GLS: variants seen among roughly 807,000 people sequenced by gnomAD.
The protein encoded by GLS is glutaminase, also known as glutaminase kidney isoform, mitochondrial.
GLS carries 36 observed loss-of-function variants against 86.7 expected under a neutral mutation model. That is an observed-to-expected ratio of 0.42 (90% CI 0.32 to 0.55). The LOEUF (loss-of-function observed/expected upper bound fraction) is 0.55, where lower values mean the gene tolerates loss of function less well. GLS is among the 20% of genes least tolerant of loss of function. The pLI, the probability that GLS is intolerant of heterozygous loss-of-function variation, is 0.17. For synonymous variants in GLS, 317 were observed against 305.9 expected, an observed-to-expected ratio of 1.04 and a Z score of -0.38; for missense variants, 528 against 833.4, an observed-to-expected ratio of 0.63 and a Z score of 4.51.
rs1027259020 is a variant in GLS at position 190,947,162 on chromosome 2, ACAACT to A, written c.1651-6398_1651-6394del. ...TTATTAGGGCATTTACAGAAGTCACACAACTCAACCTTTAAACAAGCTCAAACTGA... is the reference window on the plus strand; with the variant it reads ...TTATTAGGGCATTTACAGAAGTCACACAACCTTTAAACAAGCTCAAACTGA... On this transcript the variant is annotated intron_variant, in intron 14 of 17. Coordinates refer to ENST00000320717, the MANE Select transcript of GLS (RefSeq NM_014905.5). This position sits in a 1 kb window ranked among gnomAD's most constrained non-coding sequence, Gnocchi z 5.0. Among the ~76,000 whole-genome samples, 4 of 152,236 alleles carry A rather than the reference ACAACT, an allele frequency of 2.6e-5. No homozygotes were observed. The highest frequency in any genetic ancestry group is 4.4e-5 in the Non-Finnish European group (3 of 68,040).
At chr2:190,892,036 GTC>G (rs1356599217) in intron 1 of GLS, among the ~76,000 whole-genome samples, 1 of 152,126 alleles carries the variant, frequency 6.6e-6, no homozygotes, top group Admixed American at 6.5e-5. Context: ...GTTTTCCAAA[GTC>G]TGGATGTCAT....
At chr2:190,887,903 G>A (rs1247588625) in intron 1 of GLS, among the ~76,000 whole-genome samples, 2 of 152,034 alleles carry the variant, frequency 1.3e-5, no homozygotes, top group Non-Finnish European at 1.5e-5. Flanking sequence ...ATGTTATAAC[G>A]GCCAAAAGTT....
chr2:190,934,596 A>C, intron 14 of GLS: 1 of 984,098 alleles, frequency 1.0e-6, no homozygotes, highest in Non-Finnish European at 1.2e-6. Context: ...ATTGGAAAAA[A>C]GGCATTGTGG....
intron 14 of GLS, among the ~76,000 whole-genome samples, chr2:190,945,529 G>T (rs535892907): frequency 6.6e-6 from 1 of 151,994 alleles, no homozygotes; most frequent in African/African-American, 2.4e-5. Context: ...TCCAGGTTTG[G>T]TGGCACATGC....
At position 190,956,265 on chromosome 2, in the gene GLS, T is replaced by A. The variant is rs1374877100; in HGVS notation, c.1853+1447T>A. 6.6e-6 allele frequency among the ~76,000 whole-genome samples: 1 copy of A among 152,228 alleles called. No individual in the cohort carries two copies. Among genetic ancestry groups the A allele is most frequent in the African/African-American group, 2.4e-5 (1 of 41,446 alleles). ...TTTTTATGGTTTTAGGTCTTATGTTTAAGTCTTTAATCCATCTTGAGTTAA... is the reference window on the plus strand; with the variant it reads ...TTTTTATGGTTTTAGGTCTTATGTTAAAGTCTTTAATCCATCTTGAGTTAA... On this transcript the variant is annotated intron_variant, in intron 17 of 17. Coordinates refer to ENST00000320717, the MANE Select transcript of GLS (RefSeq NM_014905.5). The surrounding 1 kb of genome is among the most constrained non-coding windows in gnomAD (Gnocchi z 4.2).
rs115287325 is a variant in GLS at position 190,929,940 on chromosome 2, C to T, written c.1426-497C>T. Among the ~76,000 whole-genome samples, 498 of 151,156 alleles carry T rather than the reference C, an allele frequency of 3.3e-3. 5 individuals are homozygous for T. The highest frequency in any genetic ancestry group is 0.011 in the African/African-American group (468 of 41,120). On this transcript the variant is annotated intron_variant, in intron 12 of 17. Transcript: ENST00000320717. ...TCAGCTCATTGCAATCTCTGCCTCC[C>T]GGGTTCACCTTTCTCCTGCCTCAGC...
intron 7 of GLS, among the ~76,000 whole-genome samples, chr2:190,916,252 A>C (rs751591432): frequency 2.1e-4 from 32 of 152,158 alleles, no homozygotes; most frequent in Non-Finnish European, 3.7e-4. Context: ...ATTGTGAAAA[A>C]ATTCAAACAT....
At chr2:190,902,075 G>C (rs765677741) in intron 5 of GLS, 49 bp downstream of exon 5, 1 of 1,016,430 alleles carries the variant, frequency 9.8e-7, no homozygotes, top group Non-Finnish European at 1.6e-6. Context: ...CTTAACTTTT[G>C]TATAATGGTG....
At chr2:190,899,632 C>T (rs1688870148) in intron 3 of GLS, among the ~76,000 whole-genome samples, 2 of 151,918 alleles carry the variant, frequency 1.3e-5, no homozygotes, top group Non-Finnish European at 2.9e-5. Flanking sequence ...GCAAGTCTTC[C>T]TTTGTTAATT....
At chr2:190,882,131 A>C (rs1688222626) in intron 1 of GLS, 2 of 152,256 alleles carry the variant, frequency 1.3e-5, no homozygotes, top group African/African-American at 4.8e-5. Context: ...TGGGGCACGC[A>C]GTATAGACCA....
At position 190,910,297 on chromosome 2, in the gene GLS, A is replaced by G; in HGVS notation, c.1014A>G (p.Ala338=). 6.3e-7 allele frequency: 1 copy of G among 1,577,196 alleles called. No homozygotes were observed. Among genetic ancestry groups the G allele is most frequent in the Non-Finnish European group, 8.7e-7 (1 of 1,153,344 alleles). The part of the protein sequence containing the change: ...KPHNPMVNAG[A]IVVTSLIKQG... Reference sequence around the variant, plus strand: ...ATAATCCTATGGTAAATGCTGGAGCAATTGTTGTGACTTCACTAATAAAGG... The same window carrying G: ...ATAATCCTATGGTAAATGCTGGAGCGATTGTTGTGACTTCACTAATAAAGG... Residue 338 remains alanine, a synonymous_variant, in exon 7 of 18, where the codon GCA becomes GCG. Coordinates refer to ENST00000320717, the MANE Select transcript of GLS (RefSeq NM_014905.5).
intron 1 of GLS, among the ~76,000 whole-genome samples, chr2:190,882,416 A>G (rs1688234348): frequency 6.6e-6 from 1 of 152,208 alleles, no homozygotes; most frequent in Non-Finnish European, 1.5e-5. Context: ...TGTAATACAA[A>G]TGGACCACTT....
At chr2:190,890,470 T>C (rs1008883114) in intron 1 of GLS, among the ~76,000 whole-genome samples, 1 of 152,250 alleles carries the variant, frequency 6.6e-6, no homozygotes, top group South Asian at 2.1e-4. Flanking sequence ...GATGTAAGTT[T>C]TTATTTTTAA....
In GLS at chr2:190,923,903, T is replaced by C; in HGVS notation, c.1131-14T>C. 1 of 1,523,128 alleles carries C rather than the reference T, an allele frequency of 6.6e-7. No individual in the cohort carries two copies. The highest frequency in any genetic ancestry group is 1.4e-5 in the African/African-American group (1 of 72,540). The allele number at this position is 1,523,128 out of a possible 1,614,324, so 94.4% of individuals were successfully genotyped here. A position where few individuals can be genotyped will look rare whatever the true frequency, so the allele number is the denominator to read the frequency against. The stretch of plus-strand genomic sequence containing the variant: ...GAAAGTACATAGAGCAAATGTTTTT[T>C]TTTCTTCTTCCAGGTTTCAGTCTGA... On this transcript the variant is annotated splice_polypyrimidine_tract_variant and intron_variant, in intron 9 of 17. Transcript: ENST00000320717.
chr2:190,927,063 C>A, intron 11 of GLS: 1 of 373,588 alleles, frequency 2.7e-6, no homozygotes, highest in Admixed American at 4.2e-5. Flanking sequence ...TAGAGGCTGG[C>A]ACTTCCTAGT....
chr2:190,896,460 A>G (rs1170148057), intron 3 of GLS: 1 of 152,240 alleles, frequency 6.6e-6, no homozygotes, highest in East Asian at 1.9e-4. Flanking sequence ...ATAAAACTGT[A>G]AATACTACTA....
Position 190,900,591 on chromosome 2 carries a change from G to T in GLS, c.633G>T (p.Leu211Phe). Residue 211 changes from leucine to phenylalanine, a missense_variant, in exon 4 of 18, where the codon TTG (leucine) becomes TTT (phenylalanine). Physicochemically the swap from Leu to Phe is conservative, Grantham distance 22 (BLOSUM62 0). Coordinates refer to ENST00000320717, the MANE Select transcript of GLS (RefSeq NM_014905.5). The part of the protein sequence containing the change: ...KKCVQSNIVL[L>F]TQAFRRKFVI... ...GTGTTCAGAGCAACATTGTTTTGTT[G>T]ACACAAGCATTTAGAAGAAAGTTTG... 1 of 1,600,544 alleles carries T rather than the reference G, an allele frequency of 6.2e-7. No individual in the cohort carries two copies. Among genetic ancestry groups the T allele is most frequent in the Non-Finnish European group, 8.6e-7 (1 of 1,168,940 alleles).
intron 7 of GLS, chr2:190,919,826 A>G (rs1027992304): frequency 3.5e-6 from 1 of 284,352 alleles, no homozygotes; most frequent in African/African-American, 2.3e-5. Context: ...TATGGCTGTA[A>G]TTAAATTATC....
chr2:190,927,094 CTGAG>C, intron 11 of GLS: 2 of 462,236 alleles, frequency 4.3e-6, no homozygotes, highest in Non-Finnish European at 7.6e-6. Context: ...CATTAAAAGA[CTGAG>C]TATCTTTGGC....
Sources: allele counts gnomAD v4.1 joint callset (sites outside exome capture counted in the v4.1 genomes callset), GRCh38; gene constraint gnomAD v4.1.1; non-coding constraint Gnocchi (gnomAD v3.1); transcripts MANE v1.5; gene names NCBI Gene and HGNC (gene_info 2026-07-23, HGNC 2026-07-21).